SLC5A1: variants seen among roughly 807,000 people sequenced by gnomAD.
SLC5A1 encodes the protein solute carrier family 5 member 1, also known as sodium/glucose cotransporter 1.
Under a neutral mutation model 73.5 loss-of-function variants are expected in SLC5A1, and 42 were observed. That is an observed-to-expected ratio of 0.57 (90% CI 0.45 to 0.74). SLC5A1 has a LOEUF of 0.74. Among genes scored for constraint, SLC5A1 ranks in the 30% least tolerant of loss-of-function variants. The pLI, the probability that SLC5A1 is intolerant of heterozygous loss-of-function variation, is 0.00. For missense variants in SLC5A1, 634 were observed against 855.4 expected, an observed-to-expected ratio of 0.74 and a Z score of 3.23; for synonymous variants, 300 against 317.4, an observed-to-expected ratio of 0.95 and a Z score of 0.58.
In SLC5A1 at chr22:32,067,020, T is replaced by C; in HGVS notation, c.293T>C (p.Ile98Thr). ...ACTGGGGCAGCTTCAGGCATCGCCATTGGAGGCTTTGAATGGAATGTGAGT... is the reference window on the plus strand; with the variant it reads ...ACTGGGGCAGCTTCAGGCATCGCCACTGGAGGCTTTGAATGGAATGTGAGT... ...AGTGAASGIAIGGFEWNALVL... is the reference protein window; with the variant it reads ...AGTGAASGIATGGFEWNALVL... The change falls in exon 3 of 15, where the codon ATT becomes ACT. Residue 98 changes from isoleucine (I) to threonine (T), a missense_variant. By Grantham distance (89) the Ile-to-Thr change is moderately conservative (BLOSUM62 -1). Around this residue, in one of 3 missense-constraint regions of SLC5A1, gnomAD observed 422 missense variants for 626.1 expected, o/e 0.67. Coordinates refer to ENST00000266088, the MANE Select transcript of SLC5A1 (RefSeq NM_000343.4). 2 of 1,613,104 alleles carry C rather than the reference T, an allele frequency of 1.2e-6. No individual in the cohort carries two copies. Among genetic ancestry groups the C allele is most frequent in the Non-Finnish European group, 8.5e-7 (1 of 1,179,214 alleles).
chr22:32,102,259 C>G (rs2094037895), intron 13 of SLC5A1, 22 bp downstream of exon 13: 3 of 1,563,302 alleles, frequency 1.9e-6, no homozygotes, highest in Non-Finnish European at 2.6e-6. Context: ...TTTAGGGGAT[C>G]TGTCCTTGTT....
intron 10 of SLC5A1, among the ~76,000 whole-genome samples, chr22:32,089,771 T>C (rs2094013999): frequency 6.6e-6 from 1 of 152,138 alleles, no homozygotes; most frequent in Non-Finnish European, 1.5e-5. Context: ...ATCAGATGGA[T>C]GATAGGTCTA....
chr22:32,044,512 A>G (rs989153342), intron 1 of SLC5A1, among the ~76,000 whole-genome samples: 3 of 149,574 alleles, frequency 2.0e-5, no homozygotes, highest in Non-Finnish European at 4.4e-5. Context: ...GACAAAAGGA[A>G]GTGTTTTTTT....
At chr22:32,080,561 C>T (rs1240707269) in intron 5 of SLC5A1, among the ~76,000 whole-genome samples, 1 of 152,094 alleles carries the variant, frequency 6.6e-6, no homozygotes, top group Non-Finnish European at 1.5e-5. Context: ...AAGTAAGAGT[C>T]CAACCCTGCT....
At chr22:32,071,924 T>C (rs1324288345) in intron 5 of SLC5A1, among the ~76,000 whole-genome samples, 1 of 152,154 alleles carries the variant, frequency 6.6e-6, no homozygotes, top group Non-Finnish European at 1.5e-5. Context: ...TTCAAACATA[T>C]ATAAGCAAAG....
chr22:32,107,529 T>C (rs1251530998), intron 14 of SLC5A1, among the ~76,000 whole-genome samples: 2 of 152,192 alleles, frequency 1.3e-5, no homozygotes, highest in Non-Finnish European at 2.9e-5. Context: ...GTATTCTAAA[T>C]GAAAACCCAT....
At chr22:32,061,623 A>T (rs2093963175) in intron 2 of SLC5A1, among the ~76,000 whole-genome samples, 1 of 152,174 alleles carries the variant, frequency 6.6e-6, no homozygotes, top group Non-Finnish European at 1.5e-5. Flanking sequence ...TTGCAATGGG[A>T]GGAAATCTGT....
At chr22:32,055,833 T>G (rs1388255963) in intron 2 of SLC5A1, among the ~76,000 whole-genome samples, 1 of 152,200 alleles carries the variant, frequency 6.6e-6, no homozygotes, top group Non-Finnish European at 1.5e-5. Context: ...CCAAAGGTGG[T>G]GCTGTAAAAA....
chr22:32,097,670 G>A (rs890903738), intron 11 of SLC5A1, among the ~76,000 whole-genome samples: 1 of 151,084 alleles, frequency 6.6e-6, no homozygotes, highest in African/African-American at 2.4e-5. Flanking sequence ...AGAAGGAGGA[G>A]AAGAAGAAAA....
chr22:32,104,684 C>A, intron 13 of SLC5A1, 102 bp from the exon 14 acceptor site: 1 of 805,454 alleles, frequency 1.2e-6, no homozygotes, highest in Non-Finnish European at 2.1e-6. Flanking sequence ...TGAGATGCCA[C>A]ATTCCCTTCC....
chr22:32,097,823 A>G (rs1421673077), intron 11 of SLC5A1, among the ~76,000 whole-genome samples: 1 of 152,260 alleles, frequency 6.6e-6, no homozygotes, highest in Non-Finnish European at 1.5e-5. Flanking sequence ...CAAAGACACC[A>G]TTAATCAAGT....
intron 5 of SLC5A1, among the ~76,000 whole-genome samples, chr22:32,076,324 T>C (rs1034552252): frequency 2.6e-5 from 4 of 152,242 alleles, no homozygotes; most frequent in African/African-American, 9.6e-5. Context: ...CTGAATTTTA[T>C]TGGCTCCCTC....
intron 2 of SLC5A1, chr22:32,059,264 G>A: frequency 1.0e-6 from 1 of 985,488 alleles, no homozygotes; most frequent in Non-Finnish European, 1.2e-6. Context: ...GAAGGTATTT[G>A]GGGCAGCAGA....
At position 32,098,930 on chromosome 22, in the gene SLC5A1, C is replaced by CA. The variant is rs1482907157; in HGVS notation, c.1281-247dup. Among the ~76,000 whole-genome samples, 29 of 151,066 alleles carry CA rather than the reference C, an allele frequency of 1.9e-4. No individual in the cohort carries two copies. The South Asian group carries it at 2.5e-3, about 13-fold the overall frequency. ...TGAAACCGTCTCTACTAAAAAAATACAAAAAATTAGCCGGGCGTGGTGGCG... is the reference window on the plus strand; with the variant it reads ...TGAAACCGTCTCTACTAAAAAAATACAAAAAAATTAGCCGGGCGTGGTGGCG... On this transcript the variant is annotated intron_variant, in intron 11 of 14. Transcript: ENST00000266088.
intron 5 of SLC5A1, among the ~76,000 whole-genome samples, chr22:32,072,866 A>AT (rs1440466612): frequency 2.0e-5 from 3 of 152,120 alleles, no homozygotes; most frequent in South Asian, 2.1e-4. Flanking sequence ...ATGAATAAAC[A>AT]TTTTTTTATT....
At chr22:32,054,968 C>G (rs2093949677) in intron 2 of SLC5A1, among the ~76,000 whole-genome samples, 2 of 152,118 alleles carry the variant, frequency 1.3e-5, no homozygotes, top group Non-Finnish European at 2.9e-5. Context: ...AGCCACTGCA[C>G]CCGGCCAAGA....
intron 2 of SLC5A1, among the ~76,000 whole-genome samples, chr22:32,066,499 C>CA (rs1389035221): frequency 6.6e-6 from 1 of 152,162 alleles, no homozygotes; most frequent in African/African-American, 2.4e-5. Flanking sequence ...AGAAAATTGT[C>CA]AGTGTTTACT....
chr22:32,085,295 A>AT (rs915243328), intron 9 of SLC5A1, among the ~76,000 whole-genome samples: 130 of 146,140 alleles, frequency 8.9e-4, no homozygotes, highest in African/African-American at 2.2e-3. Context: ...CTAATTTTTA[A>AT]TTTTTTTTTT....
At chr22:32,068,435 T>G (rs1850092732) in intron 4 of SLC5A1, 61 bp from the exon 5 acceptor site, 3 of 998,048 alleles carry the variant, frequency 3.0e-6, no homozygotes, top group Non-Finnish European at 4.9e-6. Context: ...GTCACTGTTC[T>G]GTCTGCTCTG....
Sources: allele counts gnomAD v4.1 joint callset (sites outside exome capture counted in the v4.1 genomes callset), GRCh38; gene constraint gnomAD v4.1.1; regional missense constraint gnomAD v4.1.1; transcripts MANE v1.5; gene names NCBI Gene and HGNC (gene_info 2026-07-23, HGNC 2026-07-21).